RNGTT: variants seen among roughly 807,000 people sequenced by gnomAD.
RNGTT encodes mRNA-capping enzyme.
A neutral mutation model predicts 79.3 loss-of-function variants in RNGTT; 33 were observed. That is an observed-to-expected ratio of 0.42 (90% confidence interval 0.32 to 0.56). The LOEUF is 0.56. RNGTT is among the 20% of genes least tolerant of loss of function. The probability of loss-of-function intolerance (pLI) is 0.17; values close to 1 mark genes in which losing one functional copy is unlikely to be tolerated. For missense variants in RNGTT, 497 were observed against 739.1 expected, an observed-to-expected ratio of 0.67 and a Z score of 3.80; for synonymous variants, 222 against 235.9, an observed-to-expected ratio of 0.94 and a Z score of 0.54.
At chr6:88,834,902 CTAA>C (rs1386853903) in intron 11 of RNGTT, among the ~76,000 whole-genome samples, 1 of 151,616 alleles carries the variant, frequency 6.6e-6, no homozygotes, top group East Asian at 1.9e-4. Context: ...ATGCAAATAA[CTAA>C]TATTAATAAA....
chr6:88,898,396 C>A (rs1355774280), intron 6 of RNGTT, among the ~76,000 whole-genome samples: 1 of 152,000 alleles, frequency 6.6e-6, no homozygotes, highest in Non-Finnish European at 1.5e-5. Context: ...ATAGCTAGAT[C>A]CTCTAGCTTG....
At chr6:88,810,201 A>G (rs1344584314) in intron 11 of RNGTT, among the ~76,000 whole-genome samples, 1 of 152,228 alleles carries the variant, frequency 6.6e-6, no homozygotes, top group African/African-American at 2.4e-5. Flanking sequence ...AGTTGGGCTG[A>G]GATAGTGTAC....
intron 8 of RNGTT, 44 bp from the exon 9 acceptor site, chr6:88,853,808 C>A (rs1315864014): frequency 8.0e-7 from 1 of 1,243,220 alleles, no homozygotes; most frequent in South Asian, 1.5e-5. Flanking sequence ...AGTATAATAT[C>A]AAGAACAGGG....
At chr6:88,691,141 G>A (rs1246005354) in intron 13 of RNGTT, among the ~76,000 whole-genome samples, 1 of 152,142 alleles carries the variant, frequency 6.6e-6, no homozygotes, top group Non-Finnish European at 1.5e-5. Context: ...ACCAGCTCAT[G>A]GGAATGGATT....
chr6:88,859,852 T>C (rs9362578), intron 8 of RNGTT, among the ~76,000 whole-genome samples: 9,112 of 152,172 alleles, frequency 0.06, 488 homozygotes, highest in African/African-American at 0.14. Flanking sequence ...TGGTAAAACT[T>C]AACACGAAGT....
At chr6:88,849,309 A>T (rs536956117) in intron 10 of RNGTT, among the ~76,000 whole-genome samples, 1 of 152,078 alleles carries the variant, frequency 6.6e-6, no homozygotes. Context: ...TGTCCAGAAA[A>T]AAATGTCTTT....
intron 13 of RNGTT, among the ~76,000 whole-genome samples, chr6:88,760,572 T>A (rs6917459): frequency 6.6e-6 from 1 of 152,132 alleles, no homozygotes; most frequent in Admixed American, 6.6e-5. Flanking sequence ...ACCAGCTACA[T>A]ACCAAATAGC....
At chr6:88,958,750 C>T (rs1029092896) in intron 1 of RNGTT, among the ~76,000 whole-genome samples, 1 of 152,170 alleles carries the variant, frequency 6.6e-6, no homozygotes, top group Non-Finnish European at 1.5e-5. Flanking sequence ...AACACTTTTA[C>T]ACTGCTGGTG....
chr6:88,822,635 C>T (rs2127880890), intron 11 of RNGTT, among the ~76,000 whole-genome samples: 1 of 152,316 alleles, frequency 6.6e-6, no homozygotes, highest in African/African-American at 2.4e-5. Flanking sequence ...CTACTGTCAA[C>T]TACAGACCAA....
At chr6:88,881,311 G>A (rs1336518635) in intron 8 of RNGTT, among the ~76,000 whole-genome samples, 1 of 152,048 alleles carries the variant, frequency 6.6e-6, no homozygotes, top group African/African-American at 2.4e-5. Context: ...TGGGGGCAGG[G>A]GGCAGAGGGA....
chr6:88,817,748 C>CTTTTTT (rs1227582021), intron 11 of RNGTT, among the ~76,000 whole-genome samples: 1 of 99,994 alleles, frequency 1.0e-5, no homozygotes, highest in African/African-American at 3.4e-5. Context: ...CTATTCACAT[C>CTTTTTT]ATTTTTTTTT....
At chr6:88,867,868 T>A (rs1342958291) in intron 8 of RNGTT, among the ~76,000 whole-genome samples, 1 of 152,158 alleles carries the variant, frequency 6.6e-6, no homozygotes, top group East Asian at 1.9e-4. Flanking sequence ...CCAAAAAAGG[T>A]TCACCTAACA....
intron 14 of RNGTT, among the ~76,000 whole-genome samples, chr6:88,667,634 G>A (rs1582303551): frequency 6.6e-6 from 1 of 152,142 alleles, no homozygotes; most frequent in African/African-American, 2.4e-5. Context: ...GAAGTAACCC[G>A]TGTGCTTCTT....
At chr6:88,644,602 A>G (rs1773464985) in intron 14 of RNGTT, among the ~76,000 whole-genome samples, 2 of 152,262 alleles carry the variant, frequency 1.3e-5, no homozygotes, top group African/African-American at 4.8e-5. Context: ...AAAAATCCTC[A>G]ATAAAATACT....
intron 13 of RNGTT, among the ~76,000 whole-genome samples, chr6:88,739,731 A>ATATATATATATG (rs1562227292): frequency 6.8e-5 from 1 of 14,764 alleles, no homozygotes; most frequent in Non-Finnish European, 1.6e-4. Context: ...AAAATTATAT[A>ATATATATATATG]TATATATATA....
chr6:88,891,791 A>T lies in RNGTT; in HGVS notation c.794+15T>A, dbSNP rs769657019. 6.8e-7 allele frequency: 1 copy of T among 1,474,584 alleles called. No individual in the cohort carries two copies. Among genetic ancestry groups the T allele is most frequent in the Non-Finnish European group, 9.1e-7 (1 of 1,102,756 alleles). The allele number at this position is 1,474,584 out of a possible 1,614,324, so 91.3% of individuals were successfully genotyped here. A position where few individuals can be genotyped will look rare whatever the true frequency, so the allele number is the denominator to read the frequency against. On this transcript the variant is annotated intron_variant, in intron 7 of 15. Transcript: ENST00000369485. ...AAGAGCAAATTTTATTTAAAAATTTAAAAATATTTATTACCCTTCCCAGCC... is the reference window on the plus strand; with the variant it reads ...AAGAGCAAATTTTATTTAAAAATTTTAAAATATTTATTACCCTTCCCAGCC...
intron 13 of RNGTT, among the ~76,000 whole-genome samples, chr6:88,700,036 A>AT (rs1390201744): frequency 2.1e-4 from 32 of 152,290 alleles, no homozygotes; most frequent in Non-Finnish European, 1.2e-4. Context: ...AATGCCACTG[A>AT]TTTGTACATT....
chr6:88,758,181 A>G (rs993194686), intron 13 of RNGTT, among the ~76,000 whole-genome samples: 1 of 152,212 alleles, frequency 6.6e-6, no homozygotes, highest in Non-Finnish European at 1.5e-5. Context: ...GAAAAACAAA[A>G]AGCCCTTAAG....
chr6:88,951,136 G>A (rs959083022), intron 1 of RNGTT, among the ~76,000 whole-genome samples: 1 of 152,106 alleles, frequency 6.6e-6, no homozygotes, highest in African/African-American at 2.4e-5. Flanking sequence ...TAGGATTATA[G>A]GTGTGAGCCA....
Sources: allele counts gnomAD v4.1 joint callset (sites outside exome capture counted in the v4.1 genomes callset), GRCh38; gene constraint gnomAD v4.1.1; transcripts MANE v1.5; gene names NCBI Gene and HGNC (gene_info 2026-07-23, HGNC 2026-07-21).